NBEA: variants seen among roughly 807,000 people sequenced by gnomAD.
NBEA encodes neurobeachin.
In NBEA, 44 loss-of-function variants were observed where a neutral mutation model predicts 343.4. The ratio of observed to expected loss-of-function variants is 0.13; its 90% CI spans 0.10 to 0.16. The LOEUF (loss-of-function observed/expected upper bound fraction) is 0.16. NBEA is among the 10% of genes least tolerant of loss of function. The pLI, the probability that NBEA is intolerant of heterozygous loss-of-function variation, is 1.00. For missense variants in NBEA, 2,555 were observed against 3,631.3 expected (o/e 0.70, Z 7.62); for synonymous variants, 1,175 against 1,238.7 (o/e 0.95, Z 1.08).
chr13:35,178,821 A>C (rs1407405263), intron 28 of NBEA, among the ~76,000 whole-genome samples: 1 of 151,576 alleles, frequency 6.6e-6, no homozygotes, highest in African/African-American at 2.4e-5. Context: ...CTTGGAAAGA[A>C]GATACCATTC....
At chr13:35,538,253 C>A (rs1333097687) in intron 41 of NBEA, among the ~76,000 whole-genome samples, 1 of 152,090 alleles carries the variant, frequency 6.6e-6, no homozygotes, top group South Asian at 2.1e-4. Context: ...TTCATATATA[C>A]CTTATACATG....
chr13:35,566,908 G>A lies in NBEA; in HGVS notation c.6926G>A (p.Arg2309Gln), dbSNP rs372140292. 2.8e-5 allele frequency: 44 copies of A among 1,568,788 alleles called. 2 individuals are homozygous for A. In the South Asian group the frequency reaches 3.3e-4, roughly 12 times the overall value. The part of the protein sequence containing the change: ...YLMFLNTIAG[R>Q]TYNDLNQYPV... The stretch of plus-strand genomic sequence containing the variant: ...TATTTCTGTTTTTCTTTACTAGGAC[G>A]GACATATAATGATCTGAACCAATAT... Residue 2309 changes from arginine (R) to glutamine (Q), a missense_variant, in exon 45 of 59, where the codon CGG becomes CAG. By Grantham distance (43) the Arg-to-Gln change is conservative. Transcript: ENST00000379939.
intron 38 of NBEA, among the ~76,000 whole-genome samples, chr13:35,373,868 CAG>C (rs770105630): frequency 1.1e-4 from 17 of 152,082 alleles, no homozygotes; most frequent in Non-Finnish European, 2.2e-4. Flanking sequence ...CTTGCTGTCT[CAG>C]GGGTCTTTTT....
intron 13 of NBEA, among the ~76,000 whole-genome samples, chr13:35,115,551 A>G (rs1408660060): frequency 1.3e-5 from 2 of 152,154 alleles, no homozygotes; most frequent in Non-Finnish European, 2.9e-5. Flanking sequence ...TTATGTATGT[A>G]TTACTAATTT....
intron 38 of NBEA, among the ~76,000 whole-genome samples, chr13:35,406,407 C>A (rs2043273286): frequency 6.6e-6 from 1 of 151,760 alleles, no homozygotes; most frequent in Admixed American, 6.6e-5. Flanking sequence ...GTACCCATCA[C>A]CGGAGCAGTG....
At chr13:35,410,006 G>A (rs535477598) in intron 38 of NBEA, among the ~76,000 whole-genome samples, 2 of 151,846 alleles carry the variant, frequency 1.3e-5, no homozygotes, top group Non-Finnish European at 2.9e-5. Context: ...ATTAGTGGGG[G>A]ATCTTTTTGA....
intron 36 of NBEA, among the ~76,000 whole-genome samples, chr13:35,311,448 A>T (rs1174723278): frequency 6.6e-6 from 1 of 152,120 alleles, no homozygotes; most frequent in Non-Finnish European, 1.5e-5. Context: ...ATTTGCTAAT[A>T]TCAGAGATTT....
At chr13:35,456,470 T>C (rs1667321428) in intron 40 of NBEA, among the ~76,000 whole-genome samples, 1 of 152,076 alleles carries the variant, frequency 6.6e-6, no homozygotes. Context: ...CCAAAGTGAA[T>C]TAGTACCTAA....
At chr13:35,077,700 C>T (rs1207611012) in intron 10 of NBEA, among the ~76,000 whole-genome samples, 1 of 152,016 alleles carries the variant, frequency 6.6e-6, no homozygotes, top group Non-Finnish European at 1.5e-5. Context: ...AGTTATCTTT[C>T]TAAAATACAA....
chr13:35,624,947 T>C (rs1448574110), intron 48 of NBEA, among the ~76,000 whole-genome samples: 3 of 152,052 alleles, frequency 2.0e-5, no homozygotes, highest in Non-Finnish European at 2.9e-5. Flanking sequence ...ATTTACACAG[T>C]AAAGATAATA....
At chr13:35,391,289 AGAAG>A (rs2042490167) in intron 38 of NBEA, among the ~76,000 whole-genome samples, 1 of 148,940 alleles carries the variant, frequency 6.7e-6, no homozygotes, top group Non-Finnish European at 1.5e-5. Context: ...AAAAAAAAAA[AGAAG>A]AAGAAGAAGA....
intron 38 of NBEA, among the ~76,000 whole-genome samples, chr13:35,372,539 C>T (rs1252448217): frequency 6.6e-6 from 1 of 152,126 alleles, no homozygotes; most frequent in Non-Finnish European, 1.5e-5. Context: ...GGTTTTTCCG[C>T]AGCCCCCCAG....
At position 34,987,041 on chromosome 13, in the gene NBEA, T is replaced by G; in HGVS notation, c.294+43927T>G. On this transcript the variant is annotated intron_variant, in intron 1 of 58. Transcript: ENST00000379939. ...GGTTAATATTTTTATGTGAATCTGA[T>G]CCTGTCATTATGCTGTTAGCCGGTT... 1.3e-5 allele frequency among the ~76,000 whole-genome samples: 2 copies of G among 151,080 alleles called. 1 individual carries two copies.
chr13:35,241,983 G>A (rs1006216550), intron 34 of NBEA, among the ~76,000 whole-genome samples: 4 of 151,768 alleles, frequency 2.6e-5, no homozygotes, highest in Middle Eastern at 3.2e-3. Flanking sequence ...TTAAAAGCCC[G>A]AATTTTAACA....
intron 1 of NBEA, among the ~76,000 whole-genome samples, chr13:34,994,774 A>G (rs1239768064): frequency 2.0e-5 from 3 of 152,234 alleles, no homozygotes; most frequent in Non-Finnish European, 4.4e-5. Context: ...GCTAATTCTG[A>G]ATCTTGGCAG....
At chr13:35,390,158 T>C (rs1007188849) in intron 38 of NBEA, among the ~76,000 whole-genome samples, 1 of 152,062 alleles carries the variant, frequency 6.6e-6, no homozygotes, top group Non-Finnish European at 1.5e-5. Context: ...GTGTACTTAT[T>C]CTCTAGGTAC....
intron 13 of NBEA, among the ~76,000 whole-genome samples, chr13:35,115,161 C>A (rs2066432858): frequency 6.6e-6 from 1 of 152,048 alleles, no homozygotes; most frequent in South Asian, 2.1e-4. Context: ...TTACTACTCT[C>A]CCAGGTAGCC....
chr13:35,139,152 C>G (rs1421511022), intron 17 of NBEA, among the ~76,000 whole-genome samples: 1 of 150,616 alleles, frequency 6.6e-6, no homozygotes, highest in African/African-American at 2.5e-5. Context: ...CCTCCGCCTC[C>G]CATGCTCAAT....
intron 41 of NBEA, chr13:35,475,767 C>G: frequency 6.2e-7 from 1 of 1,613,900 alleles, no homozygotes; most frequent in Non-Finnish European, 8.5e-7. Context: ...TTTTGCGCGC[C>G]GAGAGGTAGC....
Sources: allele counts gnomAD v4.1 joint callset (sites outside exome capture counted in the v4.1 genomes callset), GRCh38; gene constraint gnomAD v4.1.1; transcripts MANE v1.5; gene names NCBI Gene and HGNC (gene_info 2026-07-23, HGNC 2026-07-21).